MRPL3: variants seen among roughly 807,000 people sequenced by gnomAD.
MRPL3 encodes the protein large ribosomal subunit protein uL3m.
A neutral mutation model predicts 44.3 loss-of-function variants in MRPL3; 43 were observed. The observed-to-expected ratio is 0.97, with a 90% CI of 0.76 to 1.25. MRPL3 has a LOEUF of 1.25. MRPL3 is among the 50% of genes most tolerant of loss of function. The pLI, the probability that MRPL3 is intolerant of heterozygous loss-of-function variation, is 0.00. For missense variants in MRPL3, 406 were observed against 427.6 expected, an observed-to-expected ratio of 0.95 and a Z score of 0.45; for synonymous variants, 171 against 152.3, an observed-to-expected ratio of 1.12 and a Z score of -0.91.
At chr3:131,489,077 A>G (rs1169610549) in intron 5 of MRPL3, among the ~76,000 whole-genome samples, 1 of 152,114 alleles carries the variant, frequency 6.6e-6, no homozygotes, top group African/African-American at 2.4e-5. Context: ...AGTTTAAGAA[A>G]GTTAGATGTG....
chr3:131,462,923 G>A (rs1933523820), intron 9 of MRPL3, 48 bp from the exon 10 acceptor site: 2 of 1,515,234 alleles, frequency 1.3e-6, no homozygotes, highest in Non-Finnish European at 1.8e-6. Context: ...TTCTTTAAAG[G>A]TAGACTTTTC....
At chr3:131,487,439 A>G (rs1176800331) in intron 6 of MRPL3, 6 of 383,076 alleles carry the variant, frequency 1.6e-5, no homozygotes, top group African/African-American at 1.1e-4. Context: ...CCTAGAACTT[A>G]AAGTATAATA....
Position 131,463,885 on chromosome 3 carries a change from G to A in MRPL3, c.895-1010C>T, listed in dbSNP as rs887425104. Among the ~76,000 whole-genome samples the A allele has an allele frequency of 7.2e-5, 11 of 152,110 alleles. No homozygotes were observed. In the East Asian group the frequency reaches 1.2e-3, roughly 16 times the overall value. ...AAAAATTACATGTAATTATATACAC[G>A]AGTAAAATGAGGCATAATTACTTTA... On this transcript the variant is annotated intron_variant, in intron 9 of 9. Coordinates refer to ENST00000264995, the MANE Select transcript of MRPL3 (RefSeq NM_007208.4).
At chr3:131,464,106 G>C (rs552997045) in intron 9 of MRPL3, among the ~76,000 whole-genome samples, 38 of 151,898 alleles carry the variant, frequency 2.5e-4, no homozygotes, top group African/African-American at 8.7e-4. Flanking sequence ...TTTAAGAAGG[G>C]AAAAAGTCAT....
intron 4 of MRPL3, among the ~76,000 whole-genome samples, chr3:131,491,604 G>A (rs772812750): frequency 2.0e-4 from 31 of 152,146 alleles, no homozygotes; most frequent in Non-Finnish European, 3.5e-4. Flanking sequence ...TAATGCTGCC[G>A]TATAGGTCAA....
At chr3:131,466,338 A>G (rs1933600257) in intron 9 of MRPL3, among the ~76,000 whole-genome samples, 1 of 152,120 alleles carries the variant, frequency 6.6e-6, no homozygotes, top group South Asian at 2.1e-4. Context: ...CATAACTTCT[A>G]ATACAAACTT....
chr3:131,481,807 G>A (rs1048106232), intron 6 of MRPL3, among the ~76,000 whole-genome samples: 17 of 152,070 alleles, frequency 1.1e-4, no homozygotes, highest in South Asian at 2.1e-4. Flanking sequence ...TCACTAATAC[G>A]TTAAAAACGT....
chr3:131,488,998 T>C (rs1455527222), intron 5 of MRPL3, among the ~76,000 whole-genome samples: 1 of 152,068 alleles, frequency 6.6e-6, no homozygotes, highest in Non-Finnish European at 1.5e-5. Context: ...AAAAACAATT[T>C]TGTATGATTT....
chr3:131,479,278 TAA>T (rs1167565737), intron 6 of MRPL3: 2 of 495,254 alleles, frequency 4.0e-6, no homozygotes, highest in Non-Finnish European at 8.0e-6. Flanking sequence ...CTAAGAAGTT[TAA>T]GTGACTTGTA....
chr3:131,477,702 T>C (rs2110701079), intron 6 of MRPL3, among the ~76,000 whole-genome samples: 1 of 152,310 alleles, frequency 6.6e-6, no homozygotes, highest in East Asian at 1.9e-4. Context: ...TTCACAAATA[T>C]TTCAGTAGAG....
intron 9 of MRPL3, 33 bp downstream of exon 9, chr3:131,468,058 A>C: frequency 8.0e-7 from 1 of 1,246,008 alleles, no homozygotes; most frequent in South Asian, 1.6e-5. Flanking sequence ...ACAAAAAAAA[A>C]AAAGGAAAAA....
rs374827195 is a variant in MRPL3 at position 131,471,768 on chromosome 3, G to A, written c.630-489C>T. On this transcript the variant is annotated intron_variant, in intron 6 of 9. Transcript: ENST00000264995. ...TTCTAATAAATAAAATATGGCAAGA[G>A]TGATGAGATGTCACTTCTGAGATTT... Among the ~76,000 whole-genome samples, 23 of 152,256 alleles carry A rather than the reference G, an allele frequency of 1.5e-4. No individual in the cohort carries two copies. The East Asian group carries it at 1.5e-3, about 10-fold the overall frequency.
intron 5 of MRPL3, among the ~76,000 whole-genome samples, chr3:131,489,561 T>C (rs915899706): frequency 6.6e-6 from 1 of 152,114 alleles, no homozygotes; most frequent in African/African-American, 2.4e-5. Flanking sequence ...GCAAAATATC[T>C]TGGAAATTTT....
rs1225435449 is a variant in MRPL3, at chr3:131,479,161, C to T, written c.630-7882G>A. On this transcript the variant is annotated intron_variant, in intron 6 of 9. Transcript: ENST00000264995. ...AGCTGGTTAGAGCTGGCAGGAACTC[C>T]AAATTATTCTTGCATACACTGTCCC... is the stretch of plus-strand genomic sequence containing the variant. 4 of 519,028 alleles carry T rather than the reference C, an allele frequency of 7.7e-6. No individual in the cohort carries two copies. In the Admixed American group the frequency reaches 7.8e-5, roughly 10 times the overall value. The allele number at this position is 519,028 out of a possible 1,614,324, so 32.2% of individuals were successfully genotyped here.
At chr3:131,473,365 G>A (rs559731820) in intron 6 of MRPL3, among the ~76,000 whole-genome samples, 6 of 151,908 alleles carry the variant, frequency 3.9e-5, no homozygotes, top group African/African-American at 1.4e-4. Context: ...ATGTAATGAG[G>A]TTAGACCCCT....
At chr3:131,462,937 T>C (rs1422408375) in intron 9 of MRPL3, 62 bp from the exon 10 acceptor site, 1 of 1,390,974 alleles carries the variant, frequency 7.2e-7, no homozygotes, top group Non-Finnish European at 9.9e-7. Context: ...ACTTTTCAGC[T>C]ATTATTCATA....
At chr3:131,492,538 G>T (rs1406079390) in intron 4 of MRPL3, among the ~76,000 whole-genome samples, 1 of 152,128 alleles carries the variant, frequency 6.6e-6, no homozygotes, top group Non-Finnish European at 1.5e-5. Flanking sequence ...CTCCTATAGG[G>T]TTTGCGCTCC....
intron 6 of MRPL3, among the ~76,000 whole-genome samples, chr3:131,474,207 TTC>T (rs1474833455): frequency 2.0e-5 from 3 of 152,228 alleles, no homozygotes; most frequent in African/African-American, 4.8e-5. Flanking sequence ...TGGAATATGA[TTC>T]TGTCATAAAA....
At position 131,502,888 on chromosome 3, in the gene MRPL3, C is replaced by G. The variant is rs538466362; in HGVS notation, c.-67G>C. On this transcript the variant is annotated 5_prime_UTR_variant, in exon 1 of 10. Coordinates refer to ENST00000264995, the MANE Select transcript of MRPL3 (RefSeq NM_007208.4). ...CTGCCGCTCTGCTTTCAGGGAGTCC[C>G]CACGCCACCGCCACGTGGACGCAGT... 61 of 1,434,864 alleles carry G rather than the reference C, an allele frequency of 4.3e-5. No homozygotes were observed. Among genetic ancestry groups the G allele is most frequent in the Non-Finnish European group, 5.6e-5 (58 of 1,030,618 alleles). The allele number at this position is 1,434,864 out of a possible 1,614,324, so 88.9% of individuals were successfully genotyped here.
Sources: allele counts gnomAD v4.1 joint callset (sites outside exome capture counted in the v4.1 genomes callset), GRCh38; gene constraint gnomAD v4.1.1; transcripts MANE v1.5; gene names NCBI Gene and HGNC (gene_info 2026-07-23, HGNC 2026-07-21).